Variants in PCDH11Y observed in about 807,000 individuals in gnomAD.
The protein encoded by PCDH11Y is protocadherin-11 Y-linked.
For missense variants in PCDH11Y, 12 were observed against 224.8 expected, an observed-to-expected ratio of 0.05 and a Z score of 6.05; for synonymous variants, 9 against 83.6, an observed-to-expected ratio of 0.11 and a Z score of 4.87.
chrY:5,135,545 A>AGAGGCG (rs2052838089), intron 2 of PCDH11Y, among the ~76,000 whole-genome samples: 2 of 32,827 alleles, frequency 6.1e-5, no homozygotes, highest in Admixed American at 5.5e-4. Context: ...ACTGCACAGC[A>AGAGGCG]GAGGCGGCCA....
intron 4 of PCDH11Y, among the ~76,000 whole-genome samples, chrY:5,598,557 G>A (rs2053469752): frequency 6.0e-5 from 2 of 33,149 alleles, no homozygotes; most frequent in South Asian, 6.6e-4. Context: ...TTTAAGGTCT[G>A]AAAGGACAAG....
intron 3 of PCDH11Y, among the ~76,000 whole-genome samples, chrY:5,520,220 T>TA (rs34824182): frequency 5.8e-4 from 7 of 12,124 alleles, no homozygotes; most frequent in African/African-American, 1.0e-3. Flanking sequence ...TTCCATCTCA[T>TA]AAAAAAAAAA....
In PCDH11Y at chrY:5,582,959, C is replaced by T. The variant is rs2124697590; in HGVS notation, c.3352+1161C>T. On this transcript the variant is annotated intron_variant, in intron 4 of 4. Transcript: ENST00000400457. ...AAAGAGTTTTCGCACACTCAGATTT[C>T]CTGAGGAGTTTCCCCAAAGTGTTCT... Among the ~76,000 whole-genome samples, 3 of 32,957 alleles carry T rather than the reference C, an allele frequency of 9.1e-5. No homozygotes were observed. The South Asian group carries it at 2.0e-3, about 22-fold the overall frequency. 88.4% of individuals were successfully genotyped at this position (32,957 alleles called of 37,273 possible).
At chrY:5,670,565 T>C (rs2053548070) in intron 4 of PCDH11Y, among the ~76,000 whole-genome samples, 1 of 33,613 alleles carries the variant, frequency 3.0e-5, no homozygotes, top group Non-Finnish European at 7.5e-5. Flanking sequence ...ATATACTTGT[T>C]TGACATCTGT....
At chrY:5,539,181 C>T (rs1602940168) in intron 3 of PCDH11Y, among the ~76,000 whole-genome samples, 1 of 31,099 alleles carries the variant, frequency 3.2e-5, no homozygotes, top group South Asian at 7.3e-4. Context: ...AAATATTTTT[C>T]GGCGAACAAA....
chrY:5,740,063 T>C, exon 5 of PCDH11Y: 1 of 32,937 alleles, frequency 3.0e-5, no homozygotes, highest in African/African-American at 1.1e-4. Context: ...ATGTGAGATT[T>C]TTTCTTGTGT....
At chrY:5,692,649 G>C in intron 4 of PCDH11Y, among the ~76,000 whole-genome samples, 1 of 32,838 alleles carries the variant, frequency 3.0e-5, no homozygotes, top group Non-Finnish European at 7.5e-5. Flanking sequence ...CTCATTTAAA[G>C]TATCATGAAC....
intron 4 of PCDH11Y, among the ~76,000 whole-genome samples, chrY:5,727,722 C>T (rs2124714730): frequency 3.1e-5 from 1 of 32,024 alleles, no homozygotes; most frequent in South Asian, 7.0e-4. Context: ...ATAAAGGAGG[C>T]AAAAGATAAT....
intron 4 of PCDH11Y, among the ~76,000 whole-genome samples, chrY:5,683,597 T>C: frequency 3.0e-5 from 1 of 33,827 alleles, no homozygotes; most frequent in Non-Finnish European, 7.4e-5. Flanking sequence ...CAAAACAGTA[T>C]GTACTTGTAC....
At chrY:5,077,970 A>T in intron 1 of PCDH11Y, among the ~76,000 whole-genome samples, 1 of 31,234 alleles carries the variant, frequency 3.2e-5, no homozygotes, top group African/African-American at 1.3e-4. Flanking sequence ...TGCACCTATC[A>T]ACCCATCATG....
intron 2 of PCDH11Y, among the ~76,000 whole-genome samples, chrY:5,442,875 C>T: frequency 3.1e-5 from 1 of 32,102 alleles, no homozygotes; most frequent in Non-Finnish European, 7.6e-5. Context: ...GAAGAAATAG[C>T]TTGAGTAGCC....
intron 2 of PCDH11Y, among the ~76,000 whole-genome samples, chrY:5,225,298 A>G (rs2124653000): frequency 5.3e-5 from 1 of 18,938 alleles, no homozygotes; most frequent in Non-Finnish European, 1.1e-4. Context: ...TCAGGTAATC[A>G]TTCTTCTACT....
At chrY:5,611,668 C>T in intron 4 of PCDH11Y, among the ~76,000 whole-genome samples, 1 of 29,566 alleles carries the variant, frequency 3.4e-5, no homozygotes, top group East Asian at 9.3e-4. Context: ...CCTACAGAGG[C>T]AGGCAGCCTC....
At chrY:5,627,676 G>C in intron 4 of PCDH11Y, among the ~76,000 whole-genome samples, 1 of 33,052 alleles carries the variant, frequency 3.0e-5, no homozygotes, top group South Asian at 6.6e-4. Flanking sequence ...GAGCCACTGT[G>C]CCTGGCCAAA....
At chrY:5,004,457 G>A in intron 1 of PCDH11Y, among the ~76,000 whole-genome samples, 1 of 33,817 alleles carries the variant, frequency 3.0e-5, no homozygotes, top group Non-Finnish European at 7.3e-5. Context: ...ACTGCTGGTG[G>A]CAGGGAAGCA....
At chrY:5,704,463 C>T in intron 4 of PCDH11Y, among the ~76,000 whole-genome samples, 1 of 25,405 alleles carries the variant, frequency 3.9e-5, no homozygotes, top group African/African-American at 1.6e-4. Context: ...CAGAGTCTCG[C>T]TCTGTCGCCC....
chrY:5,303,283 C>A, intron 2 of PCDH11Y, among the ~76,000 whole-genome samples: 1 of 31,912 alleles, frequency 3.1e-5, no homozygotes. Flanking sequence ...AGCCTACTTG[C>A]CAGGAATAGC....
intron 2 of PCDH11Y, among the ~76,000 whole-genome samples, chrY:5,435,399 C>T (rs2053273720): frequency 3.5e-5 from 1 of 28,344 alleles, no homozygotes; most frequent in Admixed American, 3.1e-4. Flanking sequence ...CTGCGAGCTC[C>T]GCCACCCTGG....
chrY:5,358,026 T>C lies in PCDH11Y; in HGVS notation c.3130-143031T>C. Among the ~76,000 whole-genome samples, 12 of 33,411 alleles carry C rather than the reference T, an allele frequency of 3.6e-4. No individual in the cohort carries two copies. In the South Asian group the frequency reaches 8.1e-3, roughly 23 times the overall value. The allele number at this position is 33,411 out of a possible 37,273, so 89.6% of individuals were successfully genotyped here. A position where few individuals can be genotyped will look rare whatever the true frequency, so the allele number is the denominator to read the frequency against. On this transcript the variant is annotated intron_variant, in intron 2 of 4. Coordinates refer to the PCDH11Y transcript ENST00000400457. The stretch of plus-strand genomic sequence containing the variant: ...ACCTCGGCTCACCACAACCTCTACC[T>C]CCTGGGTTCAAGCGATTCTCCTGCC...
Sources: gnomAD v4.1 joint callset for allele counts (sites outside exome capture counted in the v4.1 genomes callset) on GRCh38, gnomAD v4.1.1 for gene constraint, MANE v1.5 for transcripts, NCBI Gene and HGNC (gene_info 2026-07-23, HGNC 2026-07-21) for gene names.